Variants in KCNH7 observed in about 807,000 individuals in gnomAD.
The protein encoded by KCNH7 is voltage-gated inwardly rectifying potassium channel KCNH7.
A neutral mutation model predicts 120.8 loss-of-function variants in KCNH7; 49 were observed. The observed-to-expected ratio is 0.41, with a 90% CI of 0.32 to 0.51. KCNH7 has a LOEUF of 0.51. KCNH7 is among the 20% of genes least tolerant of loss of function. The probability of loss-of-function intolerance (pLI) is 0.38; values close to 1 mark genes in which losing one functional copy is unlikely to be tolerated. For missense variants in KCNH7, 1,097 were observed against 1,446.6 expected (o/e 0.76, Z 3.92); for synonymous variants, 547 against 516.1 (o/e 1.06, Z -0.81).
chr2:162,440,915 T>A (rs139222588), intron 7 of KCNH7, among the ~76,000 whole-genome samples: 174 of 152,234 alleles, frequency 1.1e-3, no homozygotes, highest in African/African-American at 4.0e-3. Flanking sequence ...TCATATTTTT[T>A]AAATGATAAT....
At chr2:162,388,011 A>G (rs1366633310) in intron 12 of KCNH7, among the ~76,000 whole-genome samples, 1 of 151,912 alleles carries the variant, frequency 6.6e-6, no homozygotes, top group Non-Finnish European at 1.5e-5. Flanking sequence ...ACTGCTGACA[A>G]GAAATAAGTT....
intron 6 of KCNH7, among the ~76,000 whole-genome samples, chr2:162,447,507 T>C (rs1688621748): frequency 6.6e-6 from 1 of 152,048 alleles, no homozygotes; most frequent in South Asian, 2.1e-4. Context: ...GAAATGTGGG[T>C]TCTAATTTAA....
intron 6 of KCNH7, among the ~76,000 whole-genome samples, chr2:162,473,010 G>A (rs1389455620): frequency 2.0e-5 from 3 of 151,946 alleles, no homozygotes; most frequent in African/African-American, 7.3e-5. Context: ...TCATAGGTGG[G>A]AATTGAACAA....
At chr2:162,766,765 C>A (rs1158360628) in intron 2 of KCNH7, among the ~76,000 whole-genome samples, 2 of 151,850 alleles carry the variant, frequency 1.3e-5, no homozygotes, top group African/African-American at 4.8e-5. Context: ...GTCTCTTTCC[C>A]AGCTGTAATG....
chr2:162,575,064 C>G (rs889356983), intron 2 of KCNH7, among the ~76,000 whole-genome samples: 5 of 152,022 alleles, frequency 3.3e-5, no homozygotes, highest in Non-Finnish European at 5.9e-5. Context: ...TTAAAGAATT[C>G]ATACCAGGTC....
chr2:162,796,245 T>C (rs1338441377), intron 2 of KCNH7: 8 of 152,026 alleles, frequency 5.3e-5, no homozygotes, highest in Admixed American at 4.6e-4. Flanking sequence ...TTCTTATCTG[T>C]AAAATGGCTT....
chr2:162,379,333 TA>T (rs1471887397), intron 14 of KCNH7, among the ~76,000 whole-genome samples: 1 of 152,208 alleles, frequency 6.6e-6, no homozygotes, highest in Non-Finnish European at 1.5e-5. Context: ...AACTAAGATT[TA>T]TTCATCATGT....
In KCNH7 at chr2:162,413,408, T is replaced by G. The variant is rs549176358; in HGVS notation, c.2154+9928A>C. On this transcript the variant is annotated intron_variant, in intron 9 of 15. Transcript: ENST00000332142. ...TCCCAAAGTGCTGGAATTACAGGGGTGAGCCACTGTGCCCAGCCAAACCAT... is the reference window on the plus strand; with the variant it reads ...TCCCAAAGTGCTGGAATTACAGGGGGGAGCCACTGTGCCCAGCCAAACCAT... Among the ~76,000 whole-genome samples the G allele has an allele frequency of 8.3e-4, 126 of 152,226 alleles. 1 individual carries two copies. Among genetic ancestry groups the G allele is most frequent in the Non-Finnish European group, 7.4e-5 (5 of 68,012 alleles).
At chr2:162,380,177 G>A (rs371381167) in intron 13 of KCNH7, among the ~76,000 whole-genome samples, 156 bp from the exon 14 acceptor site, 30 of 152,272 alleles carry the variant, frequency 2.0e-4, no homozygotes, top group South Asian at 1.5e-3. Flanking sequence ...GCCACGGCCA[G>A]TTGGTAGCAG....
chr2:162,807,745 C>T (rs886997164), intron 2 of KCNH7, among the ~76,000 whole-genome samples: 3 of 151,864 alleles, frequency 2.0e-5, no homozygotes, highest in African/African-American at 4.8e-5. Flanking sequence ...TGCAGTGGCG[C>T]AATCTCGGCT....
intron 2 of KCNH7, among the ~76,000 whole-genome samples, chr2:162,805,054 C>T (rs910474094): frequency 6.6e-6 from 1 of 151,784 alleles, no homozygotes; most frequent in Admixed American, 6.6e-5. Context: ...GAAACTGGAT[C>T]CCTATCTCTC....
chr2:162,744,697 C>T (rs541230495), intron 2 of KCNH7, among the ~76,000 whole-genome samples: 5 of 151,900 alleles, frequency 3.3e-5, no homozygotes, highest in East Asian at 3.9e-4. Context: ...CTCAGCCTCC[C>T]GAGTAGCTGG....
Position 162,756,663 on chromosome 2 carries a change from A to G in KCNH7, c.307+79874T>C, listed in dbSNP as rs547637271. Among the ~76,000 whole-genome samples, 82 of 152,030 alleles carry G rather than the reference A, an allele frequency of 5.4e-4. 1 individual carries two copies. The highest frequency in any genetic ancestry group is 9.1e-4 in the Non-Finnish European group (62 of 68,000). On this transcript the variant is annotated intron_variant, in intron 2 of 15. Coordinates refer to ENST00000332142, the MANE Select transcript of KCNH7 (RefSeq NM_033272.4). Reference sequence around the variant, plus strand: ...TTTATTTTTTAGAAAGATGAGGTCTATGTTGCCCAAGCTAGTCTAAAGCTC... The same window carrying G: ...TTTATTTTTTAGAAAGATGAGGTCTGTGTTGCCCAAGCTAGTCTAAAGCTC...
chr2:162,736,960 A>G (rs1273793465), intron 2 of KCNH7, among the ~76,000 whole-genome samples: 2 of 152,138 alleles, frequency 1.3e-5, no homozygotes, highest in Non-Finnish European at 2.9e-5. Flanking sequence ...AATTATATTC[A>G]TAGATCGAGG....
chr2:162,670,470 C>CAAAAAAAAAAAAAAA (rs61610131), intron 2 of KCNH7, among the ~76,000 whole-genome samples: 1 of 48,244 alleles, frequency 2.1e-5, no homozygotes, highest in African/African-American at 9.1e-5. Flanking sequence ...CGAACTCTGT[C>CAAAAAAAAAAAAAAA]AAAAAAAAAA....
At chr2:162,714,196 G>A (rs950333965) in intron 2 of KCNH7, among the ~76,000 whole-genome samples, 2 of 152,126 alleles carry the variant, frequency 1.3e-5, no homozygotes, top group Non-Finnish European at 2.9e-5. Context: ...TCCAGCCTGG[G>A]GGTTATATTA....
intron 9 of KCNH7, among the ~76,000 whole-genome samples, chr2:162,406,207 T>C (rs976836139): frequency 6.6e-6 from 1 of 151,978 alleles, no homozygotes; most frequent in African/African-American, 2.4e-5. Flanking sequence ...TGGTTCCTTT[T>C]TTTTTAAACG....
Position 162,518,123 on chromosome 2 carries a change from C to T in KCNH7, c.499G>A (p.Val167Ile). Residue 167 changes from valine (V) to isoleucine (I), a missense_variant, in exon 4 of 16, where the codon GTT becomes ATT. By Grantham distance (29) the Val-to-Ile change is conservative. Transcript: ENST00000332142. The stretch of plus-strand genomic sequence containing the variant: ...AAGGACTGCTTTCTGTAAGTGAGAA[C>T]TCTCAGACCAGGGAATTTGAACCCA... ...FFGFKFPGLR[V>I]LTYRKQSLPQ... The T allele has an allele frequency of 6.2e-7, 1 of 1,611,178 alleles. No individual in the cohort carries two copies. The highest frequency in any genetic ancestry group is 8.5e-7 in the Non-Finnish European group (1 of 1,178,166).
chr2:162,421,052 C>T (rs965373645), intron 9 of KCNH7, among the ~76,000 whole-genome samples: 1 of 151,782 alleles, frequency 6.6e-6, no homozygotes. Context: ...GCTGAGTGTT[C>T]AGAGTTATCT....
Sources: allele counts gnomAD v4.1 joint callset (sites outside exome capture counted in the v4.1 genomes callset), GRCh38; gene constraint gnomAD v4.1.1; transcripts MANE v1.5; gene names NCBI Gene and HGNC (gene_info 2026-07-23, HGNC 2026-07-21).